Variants in MTUS2 observed in about 807,000 individuals in gnomAD.
MTUS2 encodes microtubule-associated tumor suppressor candidate 2.
MTUS2 carries 40 observed loss-of-function variants against 114.1 expected under a neutral mutation model. That is an observed-to-expected ratio of 0.35 (90% CI 0.27 to 0.46). MTUS2 has a LOEUF of 0.46. Ranked by LOEUF, MTUS2 falls within the 20% of genes least tolerant of loss-of-function variation. MTUS2 has a pLI of 1.00. For missense variants in MTUS2, 1,679 were observed against 1,705.4 expected (o/e 0.98, Z 0.27); for synonymous variants, 688 against 672.0 (o/e 1.02, Z -0.37).
chr13:29,434,742 T>G (rs1270837877), intron 8 of MTUS2, among the ~76,000 whole-genome samples: 1 of 152,226 alleles, frequency 6.6e-6, no homozygotes, highest in Non-Finnish European at 1.5e-5. Flanking sequence ...TCAGAAGAGA[T>G]AACGCCCATT....
At chr13:29,284,657 C>A (rs571545028) in intron 6 of MTUS2, among the ~76,000 whole-genome samples, 2 of 152,264 alleles carry the variant, frequency 1.3e-5, no homozygotes, top group East Asian at 3.9e-4. Context: ...GTATATACCT[C>A]AGATTCAGAA....
At chr13:29,270,678 G>A (rs573825711) in intron 5 of MTUS2, among the ~76,000 whole-genome samples, 2 of 152,340 alleles carry the variant, frequency 1.3e-5, no homozygotes, top group East Asian at 1.9e-4. Context: ...ATGAGCACAC[G>A]CTCCCTGTGT....
chr13:29,040,556 T>G (rs1887303738), intron 4 of MTUS2, among the ~76,000 whole-genome samples: 1 of 152,216 alleles, frequency 6.6e-6, no homozygotes, highest in Non-Finnish European at 1.5e-5. Context: ...TATAGTGATT[T>G]GTACTAGTTT....
chr13:29,496,000 G>A (rs1317931527), intron 12 of MTUS2, among the ~76,000 whole-genome samples: 3 of 152,066 alleles, frequency 2.0e-5, no homozygotes, highest in African/African-American at 4.8e-5. Flanking sequence ...CCTAGTTTCT[G>A]TGTTTTGATA....
chr13:29,111,362 A>G (rs879404942), intron 5 of MTUS2, among the ~76,000 whole-genome samples: 10 of 152,190 alleles, frequency 6.6e-5, no homozygotes, highest in South Asian at 2.1e-4. Context: ...ATGCAGAGCT[A>G]TGAGATGCTT....
chr13:29,018,803 A>T (rs933159979), intron 2 of MTUS2, among the ~76,000 whole-genome samples: 6 of 142,818 alleles, frequency 4.2e-5, no homozygotes, highest in African/African-American at 1.5e-4. Flanking sequence ...AAAAAAAAAG[A>T]AAAAGAAATG....
At chr13:29,092,546 G>C (rs1022789742) in intron 4 of MTUS2, among the ~76,000 whole-genome samples, 29 of 152,118 alleles carry the variant, frequency 1.9e-4, no homozygotes, top group African/African-American at 7.0e-4. Flanking sequence ...ATTCATCTTG[G>C]ATGTGGGACA....
intron 6 of MTUS2, among the ~76,000 whole-genome samples, chr13:29,282,576 A>G (rs1167155903): frequency 1.3e-5 from 2 of 152,224 alleles, no homozygotes; most frequent in African/African-American, 4.8e-5. Context: ...ATTTGCCTGC[A>G]GGGATGTTTG....
chr13:29,503,163 C>T lies in MTUS2; in HGVS notation c.4067C>T (p.Ser1356Leu), dbSNP rs781598780. Residue 1356 changes from serine to leucine, a missense_variant, in exon 16 of 16, where the codon TCG becomes TTG. Around this residue, in one of 3 missense-constraint regions of MTUS2, gnomAD observed 822 missense variants for 899.7 expected, o/e 0.91. Coordinates refer to ENST00000612955, the MANE Select transcript of MTUS2 (RefSeq NM_001033602.4). ...TCTCCCGTTTACCGCGGCTCCTCCT[C>T]GGGGCCCTCCTCTCCGGCCAGAGTC... The part of the protein sequence containing the change: ...PTSPVYRGSS[S>L]GPSSPARVST... 1.8e-5 allele frequency: 29 copies of T among 1,614,202 alleles called. No homozygotes were observed. Among genetic ancestry groups the T allele is most frequent in the Non-Finnish European group, 2.4e-5 (28 of 1,180,050 alleles).
At chr13:28,864,516 G>GTTAAT (rs1877182134) in intron 2 of MTUS2, among the ~76,000 whole-genome samples, 3 of 152,094 alleles carry the variant, frequency 2.0e-5, no homozygotes, top group South Asian at 4.1e-4. Flanking sequence ...ATAATTAACA[G>GTTAAT]AAGTTAAAAC....
At position 29,097,152 on chromosome 13, in the gene MTUS2, A is replaced by T. The variant is rs367831237; in HGVS notation, c.2447-3621A>T. ...CACACACATCCAGAGTAGAGCTTTC[A>T]TATATTGTGATGATAGTAGGGGAGG... On this transcript the variant is annotated intron_variant, in intron 4 of 15. Transcript: ENST00000612955. Among the ~76,000 whole-genome samples, 4 of 152,004 alleles carry T rather than the reference A, an allele frequency of 2.6e-5. 1 individual carries two copies. The highest frequency in any genetic ancestry group is 4.1e-4 in the South Asian group (2 of 4,822).
At chr13:29,381,928 T>TTG (rs1434812858) in intron 8 of MTUS2, among the ~76,000 whole-genome samples, 1 of 152,174 alleles carries the variant, frequency 6.6e-6, no homozygotes, top group Non-Finnish European at 1.5e-5. Flanking sequence ...CTCTATCACG[T>TTG]TGTGCTGATG....
At chr13:29,346,875 GCT>G (rs1868749390) in intron 7 of MTUS2, among the ~76,000 whole-genome samples, 1 of 149,766 alleles carries the variant, frequency 6.7e-6, no homozygotes, top group Non-Finnish European at 1.5e-5. Context: ...ATTTTGCTCA[GCT>G]CTCTAAATTT....
rs536723608 is a variant in MTUS2, at chr13:29,309,012, G to C, written c.2807-15601G>C. On this transcript the variant is annotated intron_variant, in intron 6 of 15. Coordinates refer to ENST00000612955, the MANE Select transcript of MTUS2 (RefSeq NM_001033602.4). ...ATTAGTTCAACCATTGTGGAAGACA[G>C]TGTGGCAATTCCTCAAAGACCTAGA... Among the ~76,000 whole-genome samples the C allele has an allele frequency of 2.0e-5, 3 of 152,344 alleles. No individual in the cohort carries two copies. The East Asian group carries it at 5.8e-4, about 29-fold the overall frequency.
chr13:29,168,022 T>A (rs1893391576), intron 5 of MTUS2, among the ~76,000 whole-genome samples: 1 of 152,234 alleles, frequency 6.6e-6, no homozygotes, highest in South Asian at 2.1e-4. Context: ...TGACATCATT[T>A]TAAATTATAT....
chr13:29,213,653 G>A (rs753670944), intron 5 of MTUS2, among the ~76,000 whole-genome samples: 6 of 151,964 alleles, frequency 3.9e-5, no homozygotes, highest in Admixed American at 6.6e-5. Context: ...GAGCCACTTT[G>A]GCTTTCTCTT....
At chr13:28,948,825 G>T (rs566994604) in intron 2 of MTUS2, among the ~76,000 whole-genome samples, 1 of 152,266 alleles carries the variant, frequency 6.6e-6, no homozygotes, top group East Asian at 1.9e-4. Context: ...TATAACAGGT[G>T]TCCACTCCCC....
intron 6 of MTUS2, among the ~76,000 whole-genome samples, chr13:29,296,638 C>T (rs1331708039): frequency 6.6e-6 from 1 of 152,046 alleles, no homozygotes; most frequent in East Asian, 1.9e-4. Flanking sequence ...TGATGATGAC[C>T]ATTTTAACTG....
chr13:29,026,914 G>C lies in MTUS2; in HGVS notation c.2205+11G>C. ...AAGTTTTTGCAGGAGGTAAGAGAAT[G>C]TCATTATGATATGGTCTATAAGTTG... is the stretch of plus-strand genomic sequence containing the variant. On this transcript the variant is annotated intron_variant, in intron 3 of 15. Coordinates refer to ENST00000612955, the MANE Select transcript of MTUS2 (RefSeq NM_001033602.4). 4 of 1,574,900 alleles carry C rather than the reference G, an allele frequency of 2.5e-6. No homozygotes were observed. The highest frequency in any genetic ancestry group is 3.4e-6 in the Non-Finnish European group (4 of 1,168,184).
Sources: gnomAD v4.1 joint callset for allele counts (sites outside exome capture counted in the v4.1 genomes callset) on GRCh38, gnomAD v4.1.1 for gene constraint, gnomAD v4.1.1 regional missense constraint, MANE v1.5 for transcripts, NCBI Gene and HGNC (gene_info 2026-07-23, HGNC 2026-07-21) for gene names.